Variants in PMM2 observed in about 807,000 individuals in gnomAD.
The protein encoded by PMM2 is mannose-6-phosphate isomerase.
In PMM2, 35 loss-of-function variants were observed where a neutral mutation model predicts 33.2. The observed-to-expected ratio is 1.06, with a 90% confidence interval of 0.81 to 1.40. The LOEUF (loss-of-function observed/expected upper bound fraction) is 1.40. Ranked by LOEUF, PMM2 falls within the 40% of genes most tolerant of loss-of-function variation. The pLI, the probability that PMM2 is intolerant of heterozygous loss-of-function variation, is 0.00. For synonymous variants in PMM2, 153 were observed against 114.7 expected (o/e 1.33, Z -2.13); for missense variants, 386 against 306.0 (o/e 1.26, Z -1.95).
At chr16:8,807,163 A>ATTTTTTTTTTTTTTTTTTTTTTTTTTTT (rs34373172) in intron 4 of PMM2, 1 of 141,346 alleles carries the variant, frequency 7.1e-6, no homozygotes. Context: ...TGCCCAGCTA[A>ATTTTTTTTTTTTTTTTTTTTTTTTTTTT]TTTTTTTTTT....
chr16:8,818,642 G>T (rs1383711513), intron 7 of PMM2, among the ~76,000 whole-genome samples: 2 of 152,228 alleles, frequency 1.3e-5, no homozygotes, highest in Non-Finnish European at 2.9e-5. Context: ...CAGCAGCACA[G>T]CCTCCAGGAG....
intron 7 of PMM2, among the ~76,000 whole-genome samples, chr16:8,822,498 C>T (rs539980387): frequency 6.6e-6 from 1 of 152,262 alleles, no homozygotes; most frequent in East Asian, 1.9e-4. Context: ...AACTGAATTC[C>T]TCCCAAGGTT....
chr16:8,823,857 A>G (rs2060751452), intron 7 of PMM2, among the ~76,000 whole-genome samples: 1 of 152,174 alleles, frequency 6.6e-6, no homozygotes. Flanking sequence ...AGCTTTTCCA[A>G]GGGACTTCTA....
At position 8,804,033 on chromosome 16, in the gene PMM2, T is replaced by TTTTTTTG. The variant is rs796786478; in HGVS notation, c.179-728_179-727insGTTTTTT. 4.7e-3 allele frequency among the ~76,000 whole-genome samples: 538 copies of TTTTTTTG among 114,962 alleles called. 4 individuals carry two copies. The highest frequency in any genetic ancestry group is 0.017 in the African/African-American group (471 of 27,108). 75.4% of individuals were successfully genotyped at this position (114,962 alleles called of 152,430 possible). A position where few individuals can be genotyped will look rare whatever the true frequency, so the allele number is the denominator to read the frequency against. On this transcript the variant is annotated intron_variant, in intron 2 of 7. Transcript: ENST00000268261. ...TTTTTGTTTTTTGGGTTTTTTTTGT[T>TTTTTTTG]TTTTTTTTTTTTTTTTTTGACGTTA...
At chr16:8,829,722 G>T (rs935490702) in intron 7 of PMM2, among the ~76,000 whole-genome samples, 1 of 152,106 alleles carries the variant, frequency 6.6e-6, no homozygotes, top group Non-Finnish European at 1.5e-5. Context: ...TCAAACTTCC[G>T]AGCTTCTGCT....
At position 8,820,067 on chromosome 16, in the gene PMM2, G is replaced by A. The variant is rs143861484; in HGVS notation, c.639+6961G>A. Among the ~76,000 whole-genome samples the A allele has an allele frequency of 5.9e-3, 894 of 152,254 alleles. 11 individuals carry two copies. The highest frequency in any genetic ancestry group is 0.02 in the African/African-American group (832 of 41,550). On this transcript the variant is annotated intron_variant, in intron 7 of 7. Transcript: ENST00000268261. Reference sequence around the variant, plus strand: ...ACAAAAATTAGCTGGGCGTGGTGGCGCATGCCTGGATCCCAGCTACTCAGG... The same window carrying A: ...ACAAAAATTAGCTGGGCGTGGTGGCACATGCCTGGATCCCAGCTACTCAGG...
chr16:8,827,897 TGA>T (rs1278008425), intron 7 of PMM2, among the ~76,000 whole-genome samples: 17 of 40,260 alleles, frequency 4.2e-4, no homozygotes, highest in African/African-American at 6.1e-4. Flanking sequence ...ATGATATATA[TGA>T]TATATATTAT....
chr16:8,822,250 A>T (rs2060743009), intron 7 of PMM2, among the ~76,000 whole-genome samples: 1 of 152,148 alleles, frequency 6.6e-6, no homozygotes, highest in Non-Finnish European at 1.5e-5. Context: ...GAGCTGGTTG[A>T]GCCAGATTAC....
At position 8,848,039 on chromosome 16, in the gene PMM2, G is replaced by C; in HGVS notation, c.*214G>C. The C allele has an allele frequency of 3.5e-6, 2 of 566,870 alleles. No homozygotes were observed. Among genetic ancestry groups the C allele is most frequent in the Non-Finnish European group, 6.4e-6 (2 of 313,728 alleles). The allele number at this position is 566,870 out of a possible 1,614,324, so 35.1% of individuals were successfully genotyped here. ...CTTGTCAAGAATGGCCCAGAGGAAT[G>C]CCTCGCACAAAAGGTCTTCCCCACC... On this transcript the variant is annotated 3_prime_UTR_variant, in exon 8 of 8. Transcript: ENST00000268261.
intron 7 of PMM2, among the ~76,000 whole-genome samples, chr16:8,821,584 A>C (rs1403775243): frequency 6.6e-6 from 1 of 152,136 alleles, no homozygotes; most frequent in African/African-American, 2.4e-5. Flanking sequence ...TGGGCATTCC[A>C]GGCCCAGATC....
At chr16:8,805,090 C>T (rs2060639533) in intron 3 of PMM2, among the ~76,000 whole-genome samples, 1 of 152,224 alleles carries the variant, frequency 6.6e-6, no homozygotes, top group Non-Finnish European at 1.5e-5. Context: ...CTTGCTCTGT[C>T]ACCCAGGCTG....
intron 7 of PMM2, among the ~76,000 whole-genome samples, chr16:8,833,975 A>G (rs574803792): frequency 9.2e-5 from 14 of 151,964 alleles, no homozygotes; most frequent in Admixed American, 3.3e-4. Flanking sequence ...CAGGGCATGT[A>G]TGAGTAGTTG....
chr16:8,834,925 C>T (rs1016558563), intron 7 of PMM2, among the ~76,000 whole-genome samples: 1 of 151,926 alleles, frequency 6.6e-6, no homozygotes, highest in Admixed American at 6.6e-5. Context: ...GAGGTCCGGG[C>T]CAGGAACAAT....
At chr16:8,828,025 CTTTTTTTT>C (rs71153002) in intron 7 of PMM2, among the ~76,000 whole-genome samples, 1 of 66,622 alleles carries the variant, frequency 1.5e-5, no homozygotes. Context: ...CTGTAGAACT[CTTTTTTTT>C]TTTTTTTTTT....
At chr16:8,818,596 T>C (rs2060720563) in intron 7 of PMM2, among the ~76,000 whole-genome samples, 2 of 152,206 alleles carry the variant, frequency 1.3e-5, no homozygotes, top group South Asian at 2.1e-4. Flanking sequence ...AAAAAAGCCA[T>C]TTCTCAGCCA....
chr16:8,802,004 C>A, intron 2 of PMM2, 94 bp downstream of exon 2: 2 of 878,364 alleles, frequency 2.3e-6, no homozygotes, highest in Non-Finnish European at 1.9e-6. Context: ...AAACCTTGTC[C>A]CCATATGGCG....
At chr16:8,845,703 G>A (rs1291136212) in intron 7 of PMM2, among the ~76,000 whole-genome samples, 1 of 151,918 alleles carries the variant, frequency 6.6e-6, no homozygotes. Context: ...CAAGCAGCTG[G>A]GATTACAGGT....
At chr16:8,818,202 CAAA>C (rs1306714076) in intron 7 of PMM2, among the ~76,000 whole-genome samples, 2 of 143,012 alleles carry the variant, frequency 1.4e-5, no homozygotes, top group East Asian at 4.4e-4. Flanking sequence ...GCGCCTGGCG[CAAA>C]GAAGATTTTT....
At chr16:8,836,363 G>A (rs1365777214) in intron 7 of PMM2, among the ~76,000 whole-genome samples, 1 of 152,068 alleles carries the variant, frequency 6.6e-6, no homozygotes, top group African/African-American at 2.4e-5. Flanking sequence ...TGGCTGCCAG[G>A]TGAGTTGAAC....
Sources: gnomAD v4.1 joint callset for allele counts (sites outside exome capture counted in the v4.1 genomes callset) on GRCh38, gnomAD v4.1.1 for gene constraint, MANE v1.5 for transcripts, NCBI Gene and HGNC (gene_info 2026-07-23, HGNC 2026-07-21) for gene names.